GRIN2B: variants seen among roughly 807,000 people sequenced by gnomAD.
GRIN2B encodes the protein glutamate ionotropic receptor NMDA type subunit 2B, also known as glutamate receptor ionotropic, NMDA 2B.
GRIN2B carries 5 observed loss-of-function variants against 114.5 expected under a neutral mutation model. The ratio of observed to expected loss-of-function variants is 0.04; its 90% CI spans 0.02 to 0.09. GRIN2B has a LOEUF of 0.09. Among genes scored for constraint, GRIN2B ranks in the 10% least tolerant of loss-of-function variants. The pLI, the probability that GRIN2B is intolerant of heterozygous loss-of-function variation, is 1.00. For synonymous variants in GRIN2B, 787 were observed against 745.1 expected, an observed-to-expected ratio of 1.06 and a Z score of -0.92; for missense variants, 1,108 against 1,943.5, an observed-to-expected ratio of 0.57 and a Z score of 8.08.
In GRIN2B at chr12:13,616,386, C is replaced by G. The variant is rs1949440792; in HGVS notation, c.1328+69G>C. ...TCTCATGCCTCAGGTCTCAGGCCAG[C>G]CAAGTGCTAACAGGTGCATCAAAGC... On this transcript the variant is annotated intron_variant, in intron 6 of 13. Coordinates refer to ENST00000609686, the MANE Select transcript of GRIN2B (RefSeq NM_000834.5). 3 of 1,142,622 alleles carry G rather than the reference C, an allele frequency of 2.6e-6. No individual in the cohort carries two copies. In the South Asian group the frequency reaches 3.7e-5, roughly 14 times the overall value. The allele number at this position is 1,142,622 out of a possible 1,614,324, so 70.8% of individuals were successfully genotyped here.
At position 13,552,785 on chromosome 12, in the gene GRIN2B, C is replaced by CTT. The variant is rs907213326; in HGVS notation, c.*9996_*9997dup. 21 of 152,236 alleles carry CTT rather than the reference C, an allele frequency of 1.4e-4. No individual in the cohort carries two copies. Among genetic ancestry groups the CTT allele is most frequent in the African/African-American group, 5.1e-4 (21 of 41,538 alleles). 9.4% of individuals were successfully genotyped at this position (152,236 alleles called of 1,614,324 possible). ...TGAAAAGCAAAATTATCTCTCTAGA[C>CTT]TTATATTTTAATTTTCACTAGGTAT... On this transcript the variant is annotated 3_prime_UTR_variant, in exon 14 of 14. Coordinates refer to ENST00000609686, the MANE Select transcript of GRIN2B (RefSeq NM_000834.5).
intron 2 of GRIN2B, among the ~76,000 whole-genome samples, chr12:13,937,913 A>C (rs774741248): frequency 2.6e-5 from 4 of 152,090 alleles, no homozygotes; most frequent in Non-Finnish European, 5.9e-5. Context: ...AGGAAATAAA[A>C]ATTGGGAGGT....
intron 5 of GRIN2B, among the ~76,000 whole-genome samples, chr12:13,643,305 G>C (rs928054502): frequency 3.3e-5 from 5 of 152,094 alleles, no homozygotes; most frequent in African/African-American, 1.2e-4. Context: ...ACAAATTTTT[G>C]TTTCCAAGTG....
chr12:13,854,604 T>C lies in GRIN2B; in HGVS notation c.411+11194A>G, dbSNP rs1235844428. 3.3e-5 allele frequency among the ~76,000 whole-genome samples: 5 copies of C among 152,036 alleles called. No individual in the cohort carries two copies. The East Asian group carries it at 9.7e-4, about 29-fold the overall frequency. On this transcript the variant is annotated intron_variant, in intron 3 of 13. Coordinates refer to ENST00000609686, the MANE Select transcript of GRIN2B (RefSeq NM_000834.5). ...CTAGTGCTAAAAGACGAACTTCACC[T>C]TGCCAGTCCCACCAAGGGCCTCGGT...
At chr12:13,699,833 C>T (rs1354821471) in intron 4 of GRIN2B, among the ~76,000 whole-genome samples, 2 of 151,472 alleles carry the variant, frequency 1.3e-5, no homozygotes, top group Non-Finnish European at 2.9e-5. Flanking sequence ...GTGATCCGCC[C>T]ACCTCAGCCT....
chr12:13,613,913 TGGCTC>T (rs1949398707), intron 8 of GRIN2B, among the ~76,000 whole-genome samples: 2 of 151,448 alleles, frequency 1.3e-5, no homozygotes, highest in Non-Finnish European at 2.9e-5. Context: ...AATGTACCAC[TGGCTC>T]TGCCAGTTCA....
Position 13,616,637 on chromosome 12 carries a change from C to G in GRIN2B, c.1146G>C (p.Lys382Asn), listed in dbSNP as rs1188496776. The change falls in exon 6 of 14, where the codon AAG becomes AAC. Residue 382 changes from lysine to asparagine, a missense_variant. By Grantham distance (94) the Lys-to-Asn change is moderately conservative. Transcript: ENST00000609686. ...ACACATAGTACTTCATCTGCAGGGACTTGTCTTTCCACTTCCCCACCTGCA... is the reference window on the plus strand; with the variant it reads ...ACACATAGTACTTCATCTGCAGGGAGTTGTCTTTCCACTTCCCCACCTGCA... ...KWERVGKWKD[K>N]SLQMKYYVWP... The G allele has an allele frequency of 3.7e-6, 6 of 1,613,728 alleles. No individual in the cohort carries two copies. The highest frequency in any genetic ancestry group is 4.2e-6 in the Non-Finnish European group (5 of 1,179,758).
chr12:13,738,600 C>A (rs1013163029), intron 4 of GRIN2B, among the ~76,000 whole-genome samples: 1 of 152,120 alleles, frequency 6.6e-6, no homozygotes, highest in Non-Finnish European at 1.5e-5. Context: ...TTTTGAAGTT[C>A]ATAGCACCAG....
At chr12:13,746,838 C>T (rs929483389) in intron 4 of GRIN2B, among the ~76,000 whole-genome samples, 1 of 152,180 alleles carries the variant, frequency 6.6e-6, no homozygotes, top group Admixed American at 6.5e-5. Context: ...TCCCCTCACT[C>T]TCCTGCTTTC....
chr12:13,817,227 C>T (rs1414747629), intron 3 of GRIN2B, among the ~76,000 whole-genome samples: 1 of 152,198 alleles, frequency 6.6e-6, no homozygotes, highest in Non-Finnish European at 1.5e-5. Flanking sequence ...CTCGTGCCTC[C>T]TTCTCTGATG....
At chr12:13,877,909 A>T (rs994895120) in intron 2 of GRIN2B, among the ~76,000 whole-genome samples, 5 of 151,796 alleles carry the variant, frequency 3.3e-5, no homozygotes, top group Admixed American at 2.6e-4. Context: ...CTAAAAATAC[A>T]AAAAATTAGC....
At chr12:13,952,049 A>C (rs1867491997) in intron 2 of GRIN2B, among the ~76,000 whole-genome samples, 1 of 151,756 alleles carries the variant, frequency 6.6e-6, no homozygotes, top group African/African-American at 2.4e-5. Context: ...AAAATTATTA[A>C]AGATTTTTAT....
At chr12:13,733,379 GC>G (rs1178194746) in intron 4 of GRIN2B, among the ~76,000 whole-genome samples, 1 of 151,810 alleles carries the variant, frequency 6.6e-6, no homozygotes, top group Admixed American at 6.6e-5. Flanking sequence ...TACCAAGTAG[GC>G]CTGAGAAGAG....
At chr12:13,959,971 C>T (rs936181512) in intron 2 of GRIN2B, among the ~76,000 whole-genome samples, 6 of 151,994 alleles carry the variant, frequency 3.9e-5, no homozygotes, top group Non-Finnish European at 7.4e-5. Flanking sequence ...ACAGAATGGA[C>T]GCTTGATTGA....
chr12:13,600,050 A>C lies in GRIN2B; in HGVS notation c.2010+8553T>G, dbSNP rs181471898. 1.4e-4 allele frequency among the ~76,000 whole-genome samples: 21 copies of C among 152,330 alleles called. No homozygotes were observed. The East Asian group carries it at 2.5e-3, about 18-fold the overall frequency. On this transcript the variant is annotated intron_variant, in intron 10 of 13. Coordinates refer to ENST00000609686, the MANE Select transcript of GRIN2B (RefSeq NM_000834.5). ...TTCAATGCAGGTGACAAAACTGTGA[A>C]TTCAGACTCATGCTAGTTTGCATAG...
intron 4 of GRIN2B, among the ~76,000 whole-genome samples, chr12:13,717,357 A>G (rs934230693): frequency 6.6e-6 from 1 of 151,952 alleles, no homozygotes. Context: ...AATAACAAGA[A>G]AAGATCATTA....
At chr12:13,934,321 A>G (rs1323982208) in intron 2 of GRIN2B, among the ~76,000 whole-genome samples, 1 of 152,086 alleles carries the variant, frequency 6.6e-6, no homozygotes, top group Non-Finnish European at 1.5e-5. Context: ...CATGCCATTG[A>G]CTCTTGTCCT....
At chr12:13,698,086 GCTGGAGGTCACCTC>G (rs1332505012) in intron 4 of GRIN2B, among the ~76,000 whole-genome samples, 18 of 152,224 alleles carry the variant, frequency 1.2e-4, no homozygotes, top group Non-Finnish European at 1.9e-4. Flanking sequence ...TCGGCATTCA[GCTGGAGGTCACCTC>G]CCCACATCAT....
intron 3 of GRIN2B, among the ~76,000 whole-genome samples, chr12:13,844,592 C>A (rs1865438523): frequency 6.6e-6 from 1 of 152,188 alleles, no homozygotes; most frequent in Admixed American, 6.6e-5. Context: ...GTGTAGCTTA[C>A]ATGGTTCTCT....
Sources: gnomAD v4.1 joint callset for allele counts (sites outside exome capture counted in the v4.1 genomes callset) on GRCh38, gnomAD v4.1.1 for gene constraint, MANE v1.5 for transcripts, NCBI Gene and HGNC (gene_info 2026-07-23, HGNC 2026-07-21) for gene names.